SGCD: variants seen among roughly 807,000 people sequenced by gnomAD.
SGCD encodes the protein delta-sarcoglycan.
A neutral mutation model predicts 36.6 loss-of-function variants in SGCD; 18 were observed. The observed-to-expected ratio is 0.49, with a 90% CI of 0.34 to 0.73. The LOEUF (loss-of-function observed/expected upper bound fraction) is 0.73, where lower values mean the gene tolerates loss of function less well. SGCD is among the 30% of genes least tolerant of loss of function. The pLI is 0.01. For missense variants in SGCD, 387 were observed against 346.7 expected (o/e 1.12, Z -0.92); for synonymous variants, 133 against 130.6 (o/e 1.02, Z -0.12).
intron 3 of SGCD, among the ~76,000 whole-genome samples, chr5:156,318,021 T>A (rs1484076726): frequency 6.6e-6 from 1 of 152,178 alleles, no homozygotes; most frequent in Non-Finnish European, 1.5e-5. Context: ...GTCTCTTTCC[T>A]TGGAGTTCTC....
the SGCD span, among the ~76,000 whole-genome samples, chr5:155,803,943 T>C: frequency 6.6e-6 from 1 of 152,154 alleles, no homozygotes; most frequent in Non-Finnish European, 1.5e-5. Context: ...TTGAGAAACA[T>C]GGTGATTTTA....
chr5:156,118,478 G>T (rs1761955469), intron 2 of SGCD, among the ~76,000 whole-genome samples: 1 of 152,098 alleles, frequency 6.6e-6, no homozygotes, highest in South Asian at 2.1e-4. Context: ...ACACAGAGAA[G>T]AGTCAGGGCG....
chr5:156,017,749 G>A (rs1174712794), intron 1 of SGCD, among the ~76,000 whole-genome samples: 2 of 151,920 alleles, frequency 1.3e-5, no homozygotes, highest in Non-Finnish European at 2.9e-5. Flanking sequence ...TTATTTTATA[G>A]TTTTTATATA....
At chr5:155,954,090 A>C (rs2113436412) in intron 1 of SGCD, among the ~76,000 whole-genome samples, 1 of 152,302 alleles carries the variant, frequency 6.6e-6, no homozygotes, top group Admixed American at 6.5e-5. Context: ...ACTAAGACCA[A>C]AAATCTTGTC....
the SGCD span, among the ~76,000 whole-genome samples, chr5:155,767,495 G>C: frequency 6.6e-6 from 1 of 152,202 alleles, no homozygotes; most frequent in East Asian, 1.9e-4. Flanking sequence ...AAGGTCCAGG[G>C]AGAGTTCTTG....
chr5:156,341,460 A>G (rs1768648594), intron 2 of SGCD, among the ~76,000 whole-genome samples: 1 of 152,096 alleles, frequency 6.6e-6, no homozygotes, highest in African/African-American at 2.4e-5. Context: ...ATCATCTGGG[A>G]GATTTTTCAC....
At chr5:156,229,899 G>T (rs1052802686) in intron 3 of SGCD, among the ~76,000 whole-genome samples, 6 of 151,978 alleles carry the variant, frequency 3.9e-5, no homozygotes, top group African/African-American at 1.4e-4. Flanking sequence ...GGGTTAATTC[G>T]AAGACCTTAT....
At chr5:156,572,962 G>A (rs60989660) in intron 4 of SGCD, among the ~76,000 whole-genome samples, 1 of 151,998 alleles carries the variant, frequency 6.6e-6, no homozygotes. Context: ...AGCCAAGAAA[G>A]AAATTTAGGG....
chr5:155,926,295 C>T (rs985184172), intron 1 of SGCD, among the ~76,000 whole-genome samples: 1 of 152,176 alleles, frequency 6.6e-6, no homozygotes, highest in Non-Finnish European at 1.5e-5. Context: ...CATCTTCCAA[C>T]CACTGCATTC....
chr5:156,542,405 A>G (rs1042028333), intron 4 of SGCD, among the ~76,000 whole-genome samples: 5 of 152,220 alleles, frequency 3.3e-5, no homozygotes, highest in Admixed American at 2.6e-4. Context: ...TATATTAAAC[A>G]TAGTCACCTT....
intron 7 of SGCD, among the ~76,000 whole-genome samples, chr5:156,748,504 A>G (rs1355256647): frequency 6.6e-6 from 1 of 152,226 alleles, no homozygotes; most frequent in Admixed American, 6.5e-5. Flanking sequence ...AAACTATACT[A>G]ATAGGAAAAT....
intron 7 of SGCD, among the ~76,000 whole-genome samples, chr5:156,669,486 AT>A (rs1753200125): frequency 6.6e-6 from 1 of 152,204 alleles, no homozygotes; most frequent in African/African-American, 2.4e-5. Context: ...AATAAACTCA[AT>A]TTAATTTTTC....
chr5:156,315,906 C>T (rs1767505610), intron 3 of SGCD, among the ~76,000 whole-genome samples: 2 of 151,664 alleles, frequency 1.3e-5, no homozygotes, highest in Admixed American at 1.3e-4. Context: ...TTTTTCTTAC[C>T]AAGTTTTATG....
At chr5:156,352,960 C>A (rs1337405175) in intron 3 of SGCD, among the ~76,000 whole-genome samples, 1 of 152,194 alleles carries the variant, frequency 6.6e-6, no homozygotes, top group African/African-American at 2.4e-5. Context: ...TTGTTCAGTG[C>A]AATGTCTAAA....
chr5:155,915,006 G>A (rs935111746), intron 1 of SGCD, among the ~76,000 whole-genome samples: 1 of 152,142 alleles, frequency 6.6e-6, no homozygotes, highest in Non-Finnish European at 1.5e-5. Context: ...TCCCAGGAGG[G>A]TGATAAAATA....
At chr5:155,851,740 C>G in the SGCD span, among the ~76,000 whole-genome samples, 1 of 152,132 alleles carries the variant, frequency 6.6e-6, no homozygotes, top group South Asian at 2.1e-4. Flanking sequence ...GCCTAGAATC[C>G]ATTCCTCCTC....
At chr5:156,002,859 T>C (rs1356655916) in intron 1 of SGCD, among the ~76,000 whole-genome samples, 1 of 152,242 alleles carries the variant, frequency 6.6e-6, no homozygotes, top group Non-Finnish European at 1.5e-5. Flanking sequence ...CCTTAGAACA[T>C]GCAGCAAGAG....
intron 3 of SGCD, among the ~76,000 whole-genome samples, chr5:156,415,349 G>A (rs553534420): frequency 2.6e-5 from 4 of 152,170 alleles, no homozygotes; most frequent in South Asian, 2.1e-4. Flanking sequence ...CCATCATATG[G>A]CATTAATAAA....
At chr5:156,552,095 C>G (rs1025687877) in intron 4 of SGCD, among the ~76,000 whole-genome samples, 16 of 152,294 alleles carry the variant, frequency 1.1e-4, no homozygotes, top group African/African-American at 3.9e-4. Context: ...AGCAGGTCTT[C>G]CCCTCTAAGG....
Sources: gnomAD v4.1 joint callset for allele counts (sites outside exome capture counted in the v4.1 genomes callset) on GRCh38, gnomAD v4.1.1 for gene constraint, MANE v1.5 for transcripts, NCBI Gene and HGNC (gene_info 2026-07-23, HGNC 2026-07-21) for gene names.